The following GREB1L variants were observed in gnomAD, a reference collection of about 807,000 sequenced individuals.
GREB1L encodes GREB1 like retinoic acid receptor coactivator, also known as GREB1-like protein.
GREB1L carries 17 observed loss-of-function variants against 200.8 expected under a neutral mutation model. That is an observed-to-expected ratio of 0.08 (90% confidence interval 0.06 to 0.13). GREB1L has a LOEUF of 0.13. Ranked by LOEUF, GREB1L falls within the 10% of genes least tolerant of loss-of-function variation. The pLI is 1.00. For synonymous variants in GREB1L, 789 were observed against 893.0 expected, an observed-to-expected ratio of 0.88 and a Z score of 2.08; for missense variants, 1,657 against 2,367.7, an observed-to-expected ratio of 0.70 and a Z score of 6.23.
chr18:21,384,377 C>T lies in GREB1L; in HGVS notation c.329C>T (p.Ala110Val), dbSNP rs1390281046. 3.9e-6 allele frequency: 6 copies of T among 1,551,464 alleles called. No individual in the cohort carries two copies. The highest frequency in any genetic ancestry group is 2.4e-5 in the East Asian group (1 of 40,900). ...SPPIPYSQKP[A>V]PEGSCTTDGF... is the part of the protein sequence containing the mutation. The stretch of plus-strand genomic sequence containing the variant: ...CCAATTCCCTATTCACAAAAACCTG[C>T]CCCAGAAGGATCTTGCACTACAGAT... The change falls in exon 4 of 33, where the codon GCC becomes GTC. Residue 110 changes from alanine (A) to valine (V), a missense_variant. Physicochemically the swap from Ala to Val is moderately conservative, Grantham distance 64. Transcript: ENST00000424526.
chr18:21,428,196 C>CAAAAAAAAAA (rs60750456), intron 7 of GREB1L, among the ~76,000 whole-genome samples: 3 of 48,138 alleles, frequency 6.2e-5, no homozygotes, highest in African/African-American at 1.4e-4. Context: ...GACTCCGTCT[C>CAAAAAAAAAA]AAAAAAAAAA....
At chr18:21,477,792 A>C (rs1415039923) in intron 17 of GREB1L, among the ~76,000 whole-genome samples, 1 of 151,810 alleles carries the variant, frequency 6.6e-6, no homozygotes, top group Non-Finnish European at 1.5e-5. Flanking sequence ...TCTCAAAAAA[A>C]AAAAAAACAA....
At chr18:21,513,128 A>G (rs2037298973) in intron 27 of GREB1L, among the ~76,000 whole-genome samples, 1 of 152,216 alleles carries the variant, frequency 6.6e-6, no homozygotes, top group Admixed American at 6.5e-5. Context: ...TGGGGAAGCC[A>G]AGGCACAATG....
At position 21,523,609 on chromosome 18, in the gene GREB1L, A is replaced by ACT. The variant is rs2037638565; in HGVS notation, c.*788_*789insCT. ...ATGGAACAGTGATTAATCTTTTGCA[A>ACT]GAACTTAAGTCAGTTAAGAAGCTTT... On this transcript the variant is annotated 3_prime_UTR_variant, in exon 33 of 33. Coordinates refer to ENST00000424526, the MANE Select transcript of GREB1L (RefSeq NM_001142966.3). The ACT allele has an allele frequency of 6.6e-6, 1 of 152,250 alleles. No homozygotes were observed. Among genetic ancestry groups the ACT allele is most frequent in the Non-Finnish European group, 1.5e-5 (1 of 68,046 alleles). The allele number at this position is 152,250 out of a possible 1,614,324, so 9.4% of individuals were successfully genotyped here.
At chr18:21,437,150 A>G (rs1385472206) in intron 7 of GREB1L, among the ~76,000 whole-genome samples, 1 of 152,108 alleles carries the variant, frequency 6.6e-6, no homozygotes, top group Non-Finnish European at 1.5e-5. Context: ...GCTGGTTTCA[A>G]ACTCCGGGGC....
intron 19 of GREB1L, among the ~76,000 whole-genome samples, chr18:21,490,788 A>C (rs1379842133): frequency 6.6e-6 from 1 of 152,196 alleles, no homozygotes; most frequent in Non-Finnish European, 1.5e-5. Flanking sequence ...GCTCATGTCT[A>C]GAGTCGGTAA....
intron 2 of GREB1L, among the ~76,000 whole-genome samples, chr18:21,375,724 G>T (rs372736594): frequency 1.3e-5 from 2 of 152,168 alleles, no homozygotes; most frequent in Admixed American, 1.3e-4. Context: ...CTTGTAGGGT[G>T]ATCTTAGGCA....
intron 1 of GREB1L, among the ~76,000 whole-genome samples, chr18:21,354,573 A>G (rs1395970430): frequency 6.6e-6 from 1 of 152,252 alleles, no homozygotes; most frequent in Non-Finnish European, 1.5e-5. Flanking sequence ...GATAAACATT[A>G]ATCATACAGA....
intron 10 of GREB1L, among the ~76,000 whole-genome samples, chr18:21,443,017 C>G (rs993933951): frequency 6.6e-6 from 1 of 152,044 alleles, no homozygotes; most frequent in Non-Finnish European, 1.5e-5. Flanking sequence ...TCAAGTGATT[C>G]TTCTGCCTCC....
At chr18:21,514,441 A>G (rs1449650392) in intron 28 of GREB1L, among the ~76,000 whole-genome samples, 2 of 152,180 alleles carry the variant, frequency 1.3e-5, no homozygotes, top group East Asian at 3.9e-4. Flanking sequence ...CTTGAACCCA[A>G]GAGGCAGATG....
intron 1 of GREB1L, among the ~76,000 whole-genome samples, chr18:21,315,057 T>C (rs1050126885): frequency 7.2e-5 from 11 of 152,204 alleles, no homozygotes; most frequent in Non-Finnish European, 1.0e-4. Flanking sequence ...AAGATCTGCT[T>C]ATAATCTATT....
chr18:21,350,237 TC>T (rs2039413204), intron 1 of GREB1L, among the ~76,000 whole-genome samples: 1 of 150,376 alleles, frequency 6.6e-6, no homozygotes, highest in African/African-American at 2.5e-5. Context: ...TTTCTTTCTT[TC>T]TTTTTTTTTT....
At chr18:21,351,119 G>A (rs1231438275) in intron 1 of GREB1L, among the ~76,000 whole-genome samples, 1 of 152,068 alleles carries the variant, frequency 6.6e-6, no homozygotes, top group East Asian at 1.9e-4. Flanking sequence ...TAAGTGAAAT[G>A]TAACATTTAT....
At chr18:21,298,522 A>C (rs778445632) in intron 1 of GREB1L, among the ~76,000 whole-genome samples, 2 of 152,200 alleles carry the variant, frequency 1.3e-5, no homozygotes, top group Non-Finnish European at 2.9e-5. Context: ...CTTTTTGCTA[A>C]GTATGTACAA....
At chr18:21,375,740 C>G (rs2040045024) in intron 2 of GREB1L, among the ~76,000 whole-genome samples, 1 of 152,132 alleles carries the variant, frequency 6.6e-6, no homozygotes, top group African/African-American at 2.4e-5. Flanking sequence ...AGGCAAGTTC[C>G]TTAACTTCTC....
chr18:21,437,155 C>T (rs918566639), intron 7 of GREB1L, among the ~76,000 whole-genome samples: 6 of 152,100 alleles, frequency 3.9e-5, no homozygotes, highest in East Asian at 1.9e-4. Context: ...TTTCAAACTC[C>T]GGGGCTCAAG....
chr18:21,378,070 G>C (rs748060291), intron 2 of GREB1L, among the ~76,000 whole-genome samples: 1 of 152,102 alleles, frequency 6.6e-6, no homozygotes, highest in African/African-American at 2.4e-5. Context: ...GACTAGTTTT[G>C]AAAAGTATCT....
At chr18:21,265,137 G>T (rs1235066390) in intron 1 of GREB1L, among the ~76,000 whole-genome samples, 1 of 152,142 alleles carries the variant, frequency 6.6e-6, no homozygotes, top group Non-Finnish European at 1.5e-5. Context: ...GAAATAAAAT[G>T]TCTGAATCAA....
chr18:21,319,382 A>G (rs1426985781), intron 1 of GREB1L, among the ~76,000 whole-genome samples: 1 of 152,222 alleles, frequency 6.6e-6, no homozygotes, highest in South Asian at 2.1e-4. Flanking sequence ...GGCTTTTCCT[A>G]TTATTTATTC....
Sources: gnomAD v4.1 joint callset for allele counts (sites outside exome capture counted in the v4.1 genomes callset) on GRCh38, gnomAD v4.1.1 for gene constraint, MANE v1.5 for transcripts, NCBI Gene and HGNC (gene_info 2026-07-23, HGNC 2026-07-21) for gene names.